The following CASZ1 variants were observed in gnomAD, a reference collection of about 807,000 sequenced individuals.
The protein encoded by CASZ1 is castor zinc finger 1.
CASZ1 carries 28 observed loss-of-function variants against 135.2 expected under a neutral mutation model. The observed-to-expected ratio is 0.21, with a 90% CI of 0.15 to 0.28. The LOEUF is 0.28. CASZ1 is among the 10% of genes least tolerant of loss of function. The pLI, the probability that CASZ1 is intolerant of heterozygous loss-of-function variation, is 1.00. For missense variants in CASZ1, 2,161 were observed against 2,453.3 expected, an observed-to-expected ratio of 0.88 and a Z score of 2.52; for synonymous variants, 1,068 against 1,073.4, an observed-to-expected ratio of 0.99 and a Z score of 0.10.
intron 2 of CASZ1, among the ~76,000 whole-genome samples, chr1:10,750,215 G>A (rs1043782855): frequency 1.3e-5 from 2 of 152,120 alleles, no homozygotes; most frequent in Admixed American, 6.5e-5. Context: ...ACAGCAGCCC[G>A]GGGGTTGTGT....
In CASZ1 at chr1:10,646,048, G is replaced by A; in HGVS notation, c.3696+80C>T. ...TGAGAAATGGAGCCTCTGCCAGGAGGTGACTGTCCTGTGCCCTGAGCTAGC... is the reference window on the plus strand; with the variant it reads ...TGAGAAATGGAGCCTCTGCCAGGAGATGACTGTCCTGTGCCCTGAGCTAGC... On this transcript the variant is annotated intron_variant, in intron 17 of 20. Transcript: ENST00000377022. The surrounding 1 kb of genome is among the most constrained non-coding windows in gnomAD (Gnocchi z 6.4). 3 of 1,358,148 alleles carry A rather than the reference G, an allele frequency of 2.2e-6. No homozygotes were observed. The Admixed American group carries it at 5.3e-5, about 24-fold the overall frequency. 84.1% of individuals were successfully genotyped at this position (1,358,148 alleles called of 1,614,324 possible).
At position 10,693,876 on chromosome 1, in the gene CASZ1, G is replaced by C; in HGVS notation, c.14C>G (p.Thr5Arg). 1.2e-6 allele frequency: 2 copies of C among 1,613,114 alleles called. No individual in the cohort carries two copies. The highest frequency in any genetic ancestry group is 1.7e-6 in the Non-Finnish European group (2 of 1,179,374). ...CCTGCGTTCCCACCGGCCGGTACCT[G>C]TTCCAAGATCCATTCTCTTCTCCTT... is the stretch of plus-strand genomic sequence containing the variant. MDLG[T>R]AEGTRCTDPP... The change falls in exon 4 of 21, where the codon ACA becomes AGA. Residue 5 changes from threonine to arginine, a missense_variant and splice_region_variant. Thr to Arg is a moderately conservative substitution (Grantham distance 71). This residue lies in a region of CASZ1 where 590 missense variants were observed against 609.8 expected (regional missense o/e 0.97). Transcript: ENST00000377022.
chr1:10,780,358 CCT>C (rs1640741478), intron 1 of CASZ1, among the ~76,000 whole-genome samples: 1 of 152,198 alleles, frequency 6.6e-6, no homozygotes, highest in Non-Finnish European at 1.5e-5. Context: ...GTCTCGCCTG[CCT>C]CTCCATTCAG....
chr1:10,652,721 G>A (rs1456089573), intron 11 of CASZ1: 2 of 152,312 alleles, frequency 1.3e-5, no homozygotes, highest in Admixed American at 6.5e-5. Flanking sequence ...TCTGTCTGAC[G>A]TGGCAGTCCC....
rs1425491495 is a variant in CASZ1, at chr1:10,707,480, G to A, written c.-76-1936C>T. On this transcript the variant is annotated intron_variant, in intron 2 of 20. Transcript: ENST00000377022. This position sits in a 1 kb window ranked among gnomAD's most constrained non-coding sequence, Gnocchi z 5.0. ...CAAGAAGCTTAGAGAGCAACTTGCA[G>A]ATCTGATCACACAGAACAATCAGGG... Among the ~76,000 whole-genome samples the A allele has an allele frequency of 6.6e-6, 1 of 152,124 alleles. No homozygotes were observed. Among genetic ancestry groups the A allele is most frequent in the Non-Finnish European group, 1.5e-5 (1 of 68,030 alleles).
chr1:10,792,319 T>TCCTC lies in CASZ1; in HGVS notation c.-234+4244_-234+4245insGAGG, dbSNP rs1640971897. ...AAATGCTCTGTACATGGCTTACCCC[T>TCCTC]CCCCCCCGCCCCCCCCCCCCCGGCC... On this transcript the variant is annotated intron_variant, in intron 1 of 20. Coordinates refer to ENST00000377022, the MANE Select transcript of CASZ1 (RefSeq NM_001079843.3). 1.2e-4 allele frequency among the ~76,000 whole-genome samples: 2 copies of TCCTC among 16,930 alleles called. 1 individual carries two copies. Among genetic ancestry groups the TCCTC allele is most frequent in the African/African-American group, 5.9e-4 (2 of 3,404 alleles). The allele number at this position is 16,930 out of a possible 152,430, so 11.1% of individuals were successfully genotyped here.
At chr1:10,644,700 C>T (rs958878665) in intron 18 of CASZ1, among the ~76,000 whole-genome samples, 3 of 152,210 alleles carry the variant, frequency 2.0e-5, no homozygotes, top group Admixed American at 1.3e-4. Flanking sequence ...CGGTGCCCTG[C>T]GTGAGTCACC....
intron 1 of CASZ1, among the ~76,000 whole-genome samples, chr1:10,770,504 G>A (rs1216929989): frequency 6.6e-6 from 1 of 152,054 alleles, no homozygotes; most frequent in Non-Finnish European, 1.5e-5. Flanking sequence ...TTTTTCCCAG[G>A]AGCAGAGTGT....
rs923504093 is a variant in CASZ1 at position 10,679,844 on chromosome 1, C to T, written c.16+14030G>A. ...TAGGGATTACAGTAAAACCTGGCTC[C>T]GGATCTGCAGGGGCAGCAGGCCAAG... On this transcript the variant is annotated intron_variant, in intron 4 of 20. Transcript: ENST00000377022. The surrounding 1 kb of genome is among the most constrained non-coding windows in gnomAD (Gnocchi z 4.7). Among the ~76,000 whole-genome samples, 1 of 152,208 alleles carries T rather than the reference C, an allele frequency of 6.6e-6. No individual in the cohort carries two copies. Among genetic ancestry groups the T allele is most frequent in the African/African-American group, 2.4e-5 (1 of 41,452 alleles).
chr1:10,647,691 G>C lies in CASZ1; in HGVS notation c.3497+110C>G. ...GATGGCCATGCCCCAGAGAGGCTGGGGACAGCAGCACCATCCGCAGTGAGG... is the reference window on the plus strand; with the variant it reads ...GATGGCCATGCCCCAGAGAGGCTGGCGACAGCAGCACCATCCGCAGTGAGG... On this transcript the variant is annotated intron_variant, in intron 16 of 20. Transcript: ENST00000377022. The surrounding 1 kb of genome is among the most constrained non-coding windows in gnomAD (Gnocchi z 4.9). 6.5e-7 allele frequency: 1 copy of C among 1,541,822 alleles called. No individual in the cohort carries two copies. Among genetic ancestry groups the C allele is most frequent in the Non-Finnish European group, 8.7e-7 (1 of 1,150,806 alleles).
intron 2 of CASZ1, among the ~76,000 whole-genome samples, chr1:10,718,986 C>T (rs944130949): frequency 1.4e-5 from 2 of 145,874 alleles, no homozygotes; most frequent in African/African-American, 5.1e-5. Flanking sequence ...GATCTCTGCT[C>T]ACTGCAACCT....
chr1:10,770,953 A>G (rs1640565221), intron 1 of CASZ1, among the ~76,000 whole-genome samples: 1 of 152,112 alleles, frequency 6.6e-6, no homozygotes, highest in Non-Finnish European at 1.5e-5. Flanking sequence ...GGCACGTGCA[A>G]GGAGAGACGT....
At position 10,660,356 on chromosome 1, in the gene CASZ1, G is replaced by A. The variant is rs771319841; in HGVS notation, c.686C>T (p.Thr229Ile). The A allele has an allele frequency of 1.2e-6, 2 of 1,614,190 alleles. No homozygotes were observed. Among genetic ancestry groups the A allele is most frequent in the Admixed American group, 1.7e-5 (1 of 60,026 alleles). ...AGAGAACCGCGCCCGCTTGCTGAGG[G>A]TATCCTCGGAGGTGGGCAGCATGGA... ...TSSMLPTSED[T>I]LSKRARFSKY... Residue 229 changes from threonine (T) to isoleucine (I), a missense_variant, in exon 6 of 21, where the codon ACC becomes ATC. This residue lies in a region of CASZ1 where 590 missense variants were observed against 609.8 expected (regional missense o/e 0.97). Transcript: ENST00000377022.
intron 2 of CASZ1, among the ~76,000 whole-genome samples, chr1:10,740,676 C>T (rs1158202824): frequency 6.6e-6 from 1 of 152,212 alleles, no homozygotes; most frequent in Non-Finnish European, 1.5e-5. Flanking sequence ...TTTCAGGGCA[C>T]AATCGCTCAT....
At chr1:10,792,011 A>G (rs1286337095) in intron 1 of CASZ1, among the ~76,000 whole-genome samples, 3 of 151,906 alleles carry the variant, frequency 2.0e-5, no homozygotes, top group South Asian at 2.1e-4. Context: ...TTCTGTTTGC[A>G]ATCCAAATCA....
chr1:10,639,554 G>A lies in CASZ1; in HGVS notation c.4668C>T (p.Asp1556=), dbSNP rs1415309948. The change falls in exon 21 of 21, where the codon GAC becomes GAT. Residue 1556 remains aspartate, a synonymous_variant. Transcript: ENST00000377022. This position sits in a 1 kb window ranked among gnomAD's most constrained non-coding sequence, Gnocchi z 4.0. ...TGTACTTGCAGTCGGGCACGGCGCA[G>A]TCGGCGCTGGAGCTGAACTGGCAGA... ...AGFCQFSSSA[D]CAVPDCKYKL... The A allele has an allele frequency of 5.6e-6, 9 of 1,610,844 alleles. No individual in the cohort carries two copies. The highest frequency in any genetic ancestry group is 7.6e-6 in the Non-Finnish European group (9 of 1,178,516).
chr1:10,726,863 C>T lies in CASZ1; in HGVS notation c.-76-21319G>A, dbSNP rs61776339. On this transcript the variant is annotated intron_variant, in intron 2 of 20. Transcript: ENST00000377022. This position sits in a 1 kb window ranked among gnomAD's most constrained non-coding sequence, Gnocchi z 5.7. ...CCAGGGGGTCTTCCCTGGCCTGCTC[C>T]GTGTCCTGGGGGAAATGGTTCAGGG... Among the ~76,000 whole-genome samples the T allele has an allele frequency of 4.8e-3, 730 of 152,180 alleles. 10 individuals carry two copies. The highest frequency in any genetic ancestry group is 0.016 in the African/African-American group (682 of 41,482).
rs1269941721 is a variant in CASZ1, at chr1:10,661,667, C to A, written c.506-1131G>T. 1.3e-5 allele frequency among the ~76,000 whole-genome samples: 2 copies of A among 151,046 alleles called. 1 individual carries two copies. The highest frequency in any genetic ancestry group is 4.2e-4 in the South Asian group (2 of 4,768). ...AAACACACACACGGTCACATTCACA[C>A]GATCACATACAACACACACATGCAT... On this transcript the variant is annotated intron_variant, in intron 5 of 20. Transcript: ENST00000377022.
In CASZ1 at chr1:10,719,873, GC is replaced by G. The variant is rs1639463642; in HGVS notation, c.-76-14330del. ...CAGAAGCCACCGGAGGCAGCTCCCA[GC>G]CCCTGAGAGGAGGCAAATCTTGTCT... On this transcript the variant is annotated intron_variant, in intron 2 of 20. Coordinates refer to ENST00000377022, the MANE Select transcript of CASZ1 (RefSeq NM_001079843.3). This position sits in a 1 kb window ranked among gnomAD's most constrained non-coding sequence, Gnocchi z 4.0. Among the ~76,000 whole-genome samples, 1 of 152,270 alleles carries G rather than the reference GC, an allele frequency of 6.6e-6. No individual in the cohort carries two copies. The highest frequency in any genetic ancestry group is 2.4e-5 in the African/African-American group (1 of 41,480).
Sources: allele counts gnomAD v4.1 joint callset (sites outside exome capture counted in the v4.1 genomes callset), GRCh38; gene constraint gnomAD v4.1.1; regional missense constraint gnomAD v4.1.1; non-coding constraint Gnocchi (gnomAD v3.1); transcripts MANE v1.5; gene names NCBI Gene and HGNC (gene_info 2026-07-23, HGNC 2026-07-21).